The following TNPO2 variants were observed in gnomAD, a reference collection of about 807,000 sequenced individuals.
TNPO2 encodes transportin-2.
In TNPO2, 16 loss-of-function variants were observed where a neutral mutation model predicts 111.1. The ratio of observed to expected loss-of-function variants is 0.14; its 90% CI spans 0.10 to 0.22. The LOEUF (loss-of-function observed/expected upper bound fraction) is 0.22. Among genes scored for constraint, TNPO2 ranks in the 10% least tolerant of loss-of-function variants. The pLI is 1.00. For missense variants in TNPO2, 530 were observed against 1,173.7 expected (o/e 0.45, Z 8.01); for synonymous variants, 481 against 475.8 (o/e 1.01, Z -0.14).
At position 12,701,132 on chromosome 19, in the gene TNPO2, T is replaced by C; in HGVS notation, c.*132A>G. 4.0e-6 allele frequency: 2 copies of C among 504,686 alleles called. No individual in the cohort carries two copies. Among genetic ancestry groups the C allele is most frequent in the Non-Finnish European group, 3.5e-6 (1 of 284,426 alleles). 31.3% of individuals were successfully genotyped at this position (504,686 alleles called of 1,614,324 possible). A position where few individuals can be genotyped will look rare whatever the true frequency, so the allele number is the denominator to read the frequency against. ...GACGGACGGACGGACGGGGAAGGCA[T>C]CTGGATTTGAGTCCCACTCACTCCT... On this transcript the variant is annotated 3_prime_UTR_variant, in exon 26 of 26. Transcript: ENST00000425528. The surrounding 1 kb of genome is among the most constrained non-coding windows in gnomAD (Gnocchi z 5.0).
rs1165102985 is a variant in TNPO2 at position 12,701,985 on chromosome 19, G to A, written c.2411+87C>T. On this transcript the variant is annotated intron_variant, in intron 22 of 25. Coordinates refer to ENST00000425528, the MANE Select transcript of TNPO2 (RefSeq NM_001382241.1). The surrounding 1 kb of genome is among the most constrained non-coding windows in gnomAD (Gnocchi z 5.0). ...GTGGGGCAGGGCAGGGAGTCAGTAGGCAGATGGGGCTGGAAATGCACAGGC... is the reference window on the plus strand; with the variant it reads ...GTGGGGCAGGGCAGGGAGTCAGTAGACAGATGGGGCTGGAAATGCACAGGC... 1.4e-6 allele frequency: 2 copies of A among 1,443,450 alleles called. No individual in the cohort carries two copies. The highest frequency in any genetic ancestry group is 1.7e-5 in the Admixed American group (1 of 58,838). 89.4% of individuals were successfully genotyped at this position (1,443,450 alleles called of 1,614,324 possible). A position where few individuals can be genotyped will look rare whatever the true frequency, so the allele number is the denominator to read the frequency against.
chr19:12,718,138 G>A, intron 5 of TNPO2, among the ~76,000 whole-genome samples: 1 of 151,868 alleles, frequency 6.6e-6, no homozygotes. Context: ...CTGAGTAGCT[G>A]GGATTATAGA....
In TNPO2 at chr19:12,710,618, C is replaced by G. The variant is rs773123620; in HGVS notation, c.1270+3G>C. 3 of 1,612,974 alleles carry G rather than the reference C, an allele frequency of 1.9e-6. No homozygotes were observed. Among genetic ancestry groups the G allele is most frequent in the Non-Finnish European group, 1.7e-6 (2 of 1,179,534 alleles). On this transcript the variant is annotated splice_donor_region_variant and intron_variant, in intron 13 of 25. Coordinates refer to ENST00000425528, the MANE Select transcript of TNPO2 (RefSeq NM_001382241.1). ...ACAGGGCTCAGAGATCAGGCGCACTCACCCTCAGCAATGGCGCCCAGCACC... is the reference window on the plus strand; with the variant it reads ...ACAGGGCTCAGAGATCAGGCGCACTGACCCTCAGCAATGGCGCCCAGCACC...
At position 12,721,277 on chromosome 19, in the gene TNPO2, C is replaced by T; in HGVS notation, c.-13-287G>A. The stretch of plus-strand genomic sequence containing the variant: ...ATGGGACCCAGCGAAGAGCCCTCGT[C>T]CCAGGGTGGCCCATGCCGCTGACCC... On this transcript the variant is annotated intron_variant, in intron 2 of 25. Transcript: ENST00000425528. This position sits in a 1 kb window ranked among gnomAD's most constrained non-coding sequence, Gnocchi z 4.9. The T allele has an allele frequency of 7.7e-7, 1 of 1,294,574 alleles. No individual in the cohort carries two copies. The highest frequency in any genetic ancestry group is 9.9e-7 in the Non-Finnish European group (1 of 1,012,182). The allele number at this position is 1,294,574 out of a possible 1,614,324, so 80.2% of individuals were successfully genotyped here. A position where few individuals can be genotyped will look rare whatever the true frequency, so the allele number is the denominator to read the frequency against.
At position 12,705,715 on chromosome 19, in the gene TNPO2, C is replaced by T; in HGVS notation, c.1722G>A (p.Lys574=). The change falls in exon 16 of 26, where the codon AAG becomes AAA. Residue 574 remains lysine (K), a synonymous_variant. Coordinates refer to ENST00000425528, the MANE Select transcript of TNPO2 (RefSeq NM_001382241.1). The surrounding 1 kb of genome is among the most constrained non-coding windows in gnomAD (Gnocchi z 7.2). ...GGGGGAAGAGGTCCTTGTCTTCGTC[C>T]TTGAGCTCATTCCACTTCTGGATCA... ...PPLIQKWNEL[K]DEDKDLFPLL... The T allele has an allele frequency of 6.7e-7, 1 of 1,495,954 alleles. No individual in the cohort carries two copies. Among genetic ancestry groups the T allele is most frequent in the Non-Finnish European group, 8.9e-7 (1 of 1,118,050 alleles). 92.7% of individuals were successfully genotyped at this position (1,495,954 alleles called of 1,614,324 possible).
chr19:12,721,375 G>A lies in TNPO2; in HGVS notation c.-13-385C>T. The A allele has an allele frequency of 2.6e-6, 3 of 1,157,172 alleles. No homozygotes were observed. The highest frequency in any genetic ancestry group is 3.4e-6 in the Non-Finnish European group (3 of 879,104). 71.7% of individuals were successfully genotyped at this position (1,157,172 alleles called of 1,614,324 possible). On this transcript the variant is annotated intron_variant, in intron 2 of 25. Transcript: ENST00000425528. This position sits in a 1 kb window ranked among gnomAD's most constrained non-coding sequence, Gnocchi z 4.9. Reference sequence around the variant, plus strand: ...GGGCCCAGCCGCCTCCACATCCAGGGGCCCCGCCCCAGACCGTGATAGCGC... The same window carrying A: ...GGGCCCAGCCGCCTCCACATCCAGGAGCCCCGCCCCAGACCGTGATAGCGC...
At chr19:12,718,242 T>C (rs1404859536) in intron 5 of TNPO2, among the ~76,000 whole-genome samples, 2 of 151,722 alleles carry the variant, frequency 1.3e-5, no homozygotes, top group Non-Finnish European at 2.9e-5. Context: ...CTCGCCTCAC[T>C]GTAACCTCCA....
chr19:12,715,929 C>T lies in TNPO2; in HGVS notation c.326-190G>A, dbSNP rs939910043. 6.6e-6 allele frequency among the ~76,000 whole-genome samples: 1 copy of T among 152,000 alleles called. No homozygotes were observed. Among genetic ancestry groups the T allele is most frequent in the African/African-American group, 2.4e-5 (1 of 41,376 alleles). On this transcript the variant is annotated intron_variant, in intron 5 of 25. Coordinates refer to ENST00000425528, the MANE Select transcript of TNPO2 (RefSeq NM_001382241.1). This position sits in a 1 kb window ranked among gnomAD's most constrained non-coding sequence, Gnocchi z 7.1. Reference sequence around the variant, plus strand: ...TGTTGCCCAGGCTGGACTGCTGTGGCACAATCAATAGTCCACAGCAGCCTC... The same window carrying T: ...TGTTGCCCAGGCTGGACTGCTGTGGTACAATCAATAGTCCACAGCAGCCTC...
Position 12,699,462 on chromosome 19 carries a change from TTTAAAA to T in TNPO2, c.*1796_*1801del, listed in dbSNP as rs1231240365. On this transcript the variant is annotated 3_prime_UTR_variant, in exon 26 of 26. Transcript: ENST00000425528. ...AAATTAAAAAATTAAATAGTTTTTT[TTTAAAA>T]AAAAAAAAAAAAAGGAAAACGAGAA... 2.5e-5 allele frequency: 3 copies of T among 118,880 alleles called. No homozygotes were observed. The highest frequency in any genetic ancestry group is 2.3e-4 in the African/African-American group (3 of 12,960). 7.4% of individuals were successfully genotyped at this position (118,880 alleles called of 1,614,324 possible). A position where few individuals can be genotyped will look rare whatever the true frequency, so the allele number is the denominator to read the frequency against.
chr19:12,719,227 G>A lies in TNPO2; in HGVS notation c.175+34C>T. ...CAGGGGCCCAGGGGGAGAAAGCAGGGTCCCGATCGCATGGAAGGGAGCAGA... is the reference window on the plus strand; with the variant it reads ...CAGGGGCCCAGGGGGAGAAAGCAGGATCCCGATCGCATGGAAGGGAGCAGA... On this transcript the variant is annotated intron_variant, in intron 4 of 25. Transcript: ENST00000425528. This position sits in a 1 kb window ranked among gnomAD's most constrained non-coding sequence, Gnocchi z 5.0. 2.5e-6 allele frequency: 4 copies of A among 1,613,938 alleles called. No individual in the cohort carries two copies. Among genetic ancestry groups the A allele is most frequent in the Non-Finnish European group, 3.4e-6 (4 of 1,179,844 alleles).
At chr19:12,712,593 T>C (rs2026125016) in intron 10 of TNPO2, among the ~76,000 whole-genome samples, 1 of 152,216 alleles carries the variant, frequency 6.6e-6, no homozygotes, top group Non-Finnish European at 1.5e-5. Flanking sequence ...ATACGCTGTC[T>C]TTCTCTTTGT....
At chr19:12,714,960 T>TGAGGC in intron 9 of TNPO2, 21 bp from the exon 10 acceptor site, 1 of 1,604,022 alleles carries the variant, frequency 6.2e-7, no homozygotes. Flanking sequence ...GGGGAGAAGC[T>TGAGGC]GAGGCCTGGC....
rs2025277570 is a variant in TNPO2, at chr19:12,701,238, A to C, written c.*26T>G. The C allele has an allele frequency of 1.2e-6, 1 of 868,144 alleles. No homozygotes were observed. The highest frequency in any genetic ancestry group is 1.7e-5 in the African/African-American group (1 of 58,328). The allele number at this position is 868,144 out of a possible 1,614,324, so 53.8% of individuals were successfully genotyped here. ...TAATCCCTCCGACGACGACGCAGAC[A>C]GAAACCTGCAGGGGGAGGAGGAAGG... On this transcript the variant is annotated 3_prime_UTR_variant, in exon 26 of 26. Transcript: ENST00000425528. The surrounding 1 kb of genome is among the most constrained non-coding windows in gnomAD (Gnocchi z 5.0).
At chr19:12,707,333 CATTAATTCATGT>C (rs1453912945) in intron 13 of TNPO2, among the ~76,000 whole-genome samples, 1 of 152,124 alleles carries the variant, frequency 6.6e-6, no homozygotes, top group Non-Finnish European at 1.5e-5. Context: ...TCAATTCATG[CATTAATTCATGT>C]GTTAATTGAA....
At chr19:12,718,447 G>A (rs2026487487) in intron 5 of TNPO2, among the ~76,000 whole-genome samples, 1 of 152,146 alleles carries the variant, frequency 6.6e-6, no homozygotes, top group Non-Finnish European at 1.5e-5. Context: ...TTACAGGTGT[G>A]AGCCACCATG....
rs2026583551 is a variant in TNPO2, at chr19:12,719,991, G to A, written c.100-655C>T. Among the ~76,000 whole-genome samples, 1 of 150,828 alleles carries A rather than the reference G, an allele frequency of 6.6e-6. No homozygotes were observed. Among genetic ancestry groups the A allele is most frequent in the Non-Finnish European group, 1.5e-5 (1 of 67,862 alleles). On this transcript the variant is annotated intron_variant, in intron 3 of 25. Coordinates refer to ENST00000425528, the MANE Select transcript of TNPO2 (RefSeq NM_001382241.1). This position sits in a 1 kb window ranked among gnomAD's most constrained non-coding sequence, Gnocchi z 5.0. ...TTTTAAAAGAGGGAATCCAAATTTT[G>A]GGGTGAGTCATGCTCATGGTTTAAA... is the stretch of plus-strand genomic sequence containing the variant.
At chr19:12,712,067 C>T (rs1407808529) in intron 10 of TNPO2, among the ~76,000 whole-genome samples, 4 of 151,864 alleles carry the variant, frequency 2.6e-5, no homozygotes, top group East Asian at 3.9e-4. Context: ...CTTTTTATTC[C>T]AATATTATGA....
chr19:12,713,639 G>A (rs1479620220), intron 10 of TNPO2, among the ~76,000 whole-genome samples: 2 of 152,162 alleles, frequency 1.3e-5, no homozygotes, highest in Non-Finnish European at 2.9e-5. Context: ...CCGAGGGGCG[G>A]AGGTTGCAGT....
intron 10 of TNPO2, among the ~76,000 whole-genome samples, chr19:12,713,895 T>TG (rs1430783518): frequency 6.6e-6 from 1 of 151,810 alleles, no homozygotes; most frequent in Non-Finnish European, 1.5e-5. Context: ...CTAGGTGTGG[T>TG]GGGATGTGCC....
Sources: allele counts gnomAD v4.1 joint callset (sites outside exome capture counted in the v4.1 genomes callset), GRCh38; gene constraint gnomAD v4.1.1; non-coding constraint Gnocchi (gnomAD v3.1); transcripts MANE v1.5; gene names NCBI Gene and HGNC (gene_info 2026-07-23, HGNC 2026-07-21).